The following SVOPL variants were observed in gnomAD, a reference collection of about 807,000 sequenced individuals.
SVOPL encodes the protein SVOP like, also known as putative transporter SVOPL.
In SVOPL, 60 loss-of-function variants were observed where a neutral mutation model predicts 61.0. That is an observed-to-expected ratio of 0.98 (90% confidence interval 0.80 to 1.22). The LOEUF is 1.22. SVOPL is among the 50% of genes most tolerant of loss of function. The probability of loss-of-function intolerance (pLI) is 0.00; values close to 1 mark genes in which losing one functional copy is unlikely to be tolerated. For synonymous variants in SVOPL, 279 were observed against 250.0 expected, an observed-to-expected ratio of 1.12 and a Z score of -1.09; for missense variants, 662 against 643.9, an observed-to-expected ratio of 1.03 and a Z score of -0.30.
chr7:138,679,097 G>A lies in SVOPL; in HGVS notation c.-34-18C>T. The A allele has an allele frequency of 6.7e-7, 1 of 1,481,650 alleles. No individual in the cohort carries two copies. The highest frequency in any genetic ancestry group is 9.2e-7 in the Non-Finnish European group (1 of 1,085,742). 91.8% of individuals were successfully genotyped at this position (1,481,650 alleles called of 1,614,324 possible). A position where few individuals can be genotyped will look rare whatever the true frequency, so the allele number is the denominator to read the frequency against. On this transcript the variant is annotated intron_variant, in intron 1 of 15. Transcript: ENST00000674285. ...CAGCTTCCCTGGTGGAAGCAAGGGA[G>A]GGAAGAAGGAAAGAAATATAATGGT... is the stretch of plus-strand genomic sequence containing the variant.
At chr7:138,633,083 T>C (rs1800290731) in intron 9 of SVOPL, among the ~76,000 whole-genome samples, 1 of 152,136 alleles carries the variant, frequency 6.6e-6, no homozygotes, top group Non-Finnish European at 1.5e-5. Context: ...CGATAAGATG[T>C]GATTGTCAGT....
chr7:138,669,436 A>C (rs1328720878), intron 4 of SVOPL, among the ~76,000 whole-genome samples: 1 of 152,194 alleles, frequency 6.6e-6, no homozygotes, highest in Non-Finnish European at 1.5e-5. Flanking sequence ...ACAACAAAAA[A>C]AAAGGGAACG....
intron 4 of SVOPL, chr7:138,663,357 C>T: frequency 1.4e-6 from 2 of 1,413,308 alleles, no homozygotes; most frequent in Non-Finnish European, 1.8e-6. Context: ...AAGGCAGATC[C>T]TGCCCCAGGT....
chr7:138,661,198 T>C, intron 5 of SVOPL: 1 of 985,368 alleles, frequency 1.0e-6, no homozygotes, highest in Non-Finnish European at 1.2e-6. Context: ...ATCAAGCAAA[T>C]AGAAAAGACA....
intron 8 of SVOPL, among the ~76,000 whole-genome samples, chr7:138,647,139 G>A (rs1419521889): frequency 6.6e-6 from 1 of 152,214 alleles, no homozygotes; most frequent in Non-Finnish European, 1.5e-5. Context: ...ACTTTGGGAG[G>A]CCGAGGTGGG....
At chr7:138,648,887 A>G in intron 8 of SVOPL, 125 bp downstream of exon 8, 1 of 1,435,518 alleles carries the variant, frequency 7.0e-7, no homozygotes, top group East Asian at 2.4e-5. Flanking sequence ...GCACCTCTGC[A>G]CTGCAGCCTG....
At chr7:138,602,281 A>T (rs759744641) in intron 14 of SVOPL, among the ~76,000 whole-genome samples, 1 of 152,168 alleles carries the variant, frequency 6.6e-6, no homozygotes, top group Non-Finnish European at 1.5e-5. Flanking sequence ...ATTGCTTGTA[A>T]ATAGCAGAAA....
intron 7 of SVOPL, among the ~76,000 whole-genome samples, chr7:138,651,074 A>G (rs1489629696): frequency 6.6e-6 from 1 of 151,682 alleles, no homozygotes; most frequent in Non-Finnish European, 1.5e-5. Context: ...AAAGGAGGCA[A>G]TTTTGGCACA....
chr7:138,609,422 G>A (rs1340412947), intron 14 of SVOPL, among the ~76,000 whole-genome samples: 2 of 149,354 alleles, frequency 1.3e-5, no homozygotes, highest in African/African-American at 5.0e-5. Flanking sequence ...AAAGTGGGAG[G>A]ATTGCTTGAG....
intron 9 of SVOPL, among the ~76,000 whole-genome samples, chr7:138,641,849 C>G (rs1344802295): frequency 8.0e-6 from 1 of 124,324 alleles, no homozygotes; most frequent in Non-Finnish European, 1.7e-5. Context: ...ATATATATAA[C>G]ATATATATAG....
At chr7:138,669,378 A>G (rs537522477) in intron 4 of SVOPL, among the ~76,000 whole-genome samples, 1 of 152,262 alleles carries the variant, frequency 6.6e-6, no homozygotes, top group African/African-American at 2.4e-5. Flanking sequence ...ACCACACTCC[A>G]GCCCGGGCAA....
chr7:138,634,739 G>A (rs1800385847), intron 9 of SVOPL, among the ~76,000 whole-genome samples: 1 of 151,560 alleles, frequency 6.6e-6, no homozygotes, highest in Admixed American at 6.6e-5. Flanking sequence ...GAGATGGGAG[G>A]ATTGCTTGAG....
chr7:138,611,509 C>A (rs1185124394), intron 14 of SVOPL, among the ~76,000 whole-genome samples: 1 of 152,178 alleles, frequency 6.6e-6, no homozygotes, highest in Non-Finnish European at 1.5e-5. Flanking sequence ...AAGTTCATGG[C>A]TTATTGGAAA....
Position 138,628,181 on chromosome 7 carries a change from A to G in SVOPL, c.1046T>C (p.Ile349Thr). 6.2e-7 allele frequency: 1 copy of G among 1,614,218 alleles called. No homozygotes were observed. Among genetic ancestry groups the G allele is most frequent in the Non-Finnish European group, 8.5e-7 (1 of 1,180,044 alleles). Residue 349 changes from isoleucine to threonine, a missense_variant, in exon 11 of 16, where the codon ATC becomes ACC. By Grantham distance (89) the Ile-to-Thr change is moderately conservative. Transcript: ENST00000674285. The part of the protein sequence containing the change: ...FAPSDYRTMI[I>T]STIGEIALNP... ...ACAAGCAATTTCACCGATGGTGCTG[A>G]TGATCATGGTCCGATAGTCAGAGGG...
chr7:138,622,781 C>G (rs1175878274), intron 13 of SVOPL, among the ~76,000 whole-genome samples: 1 of 152,124 alleles, frequency 6.6e-6, no homozygotes, highest in Non-Finnish European at 1.5e-5. Flanking sequence ...TTTCTTGCTG[C>G]AACTTTTTGA....
intron 13 of SVOPL, among the ~76,000 whole-genome samples, chr7:138,622,102 C>CTATGTATCTATCTATCTATG (rs1563096236): frequency 0.02 from 818 of 40,742 alleles, 128 homozygotes; most frequent in Middle Eastern, 0.054. Context: ...ATCTATCTAT[C>CTATGTATCTATCTATCTATG]TATCTATCTA....
At chr7:138,652,726 G>A (rs1192517014) in intron 7 of SVOPL, among the ~76,000 whole-genome samples, 1 of 152,076 alleles carries the variant, frequency 6.6e-6, no homozygotes, top group African/African-American at 2.4e-5. Flanking sequence ...CCAGGTTCAA[G>A]TGATGCTCCT....
At chr7:138,633,580 T>C (rs1370265013) in intron 9 of SVOPL, among the ~76,000 whole-genome samples, 1 of 82,538 alleles carries the variant, frequency 1.2e-5, no homozygotes, top group Non-Finnish European at 3.3e-5. Flanking sequence ...ATGAGCCAAA[T>C]AAATCTCTTT....
chr7:138,673,646 A>C (rs1802484241), intron 3 of SVOPL, among the ~76,000 whole-genome samples: 1 of 151,804 alleles, frequency 6.6e-6, no homozygotes, highest in African/African-American at 2.4e-5. Flanking sequence ...CCCTGTCTAC[A>C]AATAATAATA....
Sources: gnomAD v4.1 joint callset for allele counts (sites outside exome capture counted in the v4.1 genomes callset) on GRCh38, gnomAD v4.1.1 for gene constraint, MANE v1.5 for transcripts, NCBI Gene and HGNC (gene_info 2026-07-23, HGNC 2026-07-21) for gene names.